CCDC12: variants seen among roughly 807,000 people sequenced by gnomAD.
The protein encoded by CCDC12 is coiled-coil domain-containing protein 12.
Under a neutral mutation model 25.7 loss-of-function variants are expected in CCDC12, and 28 were observed. That is an observed-to-expected ratio of 1.09 (90% CI 0.81 to 1.50). CCDC12 has a LOEUF of 1.50. Ranked by LOEUF, CCDC12 falls within the 40% of genes most tolerant of loss-of-function variation. The pLI is 0.00. For missense variants in CCDC12, 198 were observed against 210.0 expected (o/e 0.94, Z 0.35); for synonymous variants, 75 against 87.7 (o/e 0.86, Z 0.81).
intron 1 of CCDC12, among the ~76,000 whole-genome samples, chr3:46,959,349 A>G (rs1559562029): frequency 6.6e-6 from 1 of 152,222 alleles, no homozygotes; most frequent in Non-Finnish European, 1.5e-5. Flanking sequence ...CAGTTTCTTC[A>G]ACTGCTAGAT....
intron 1 of CCDC12, chr3:46,976,431 G>A: frequency 2.1e-6 from 3 of 1,416,752 alleles, no homozygotes; most frequent in Non-Finnish European, 2.8e-6. Context: ...GCGCATGCGC[G>A]ACGACCGCAC....
intron 3 of CCDC12, chr3:46,925,089 A>G: frequency 2.5e-6 from 1 of 394,450 alleles, no homozygotes; most frequent in Non-Finnish European, 5.0e-6. Flanking sequence ...TGACCCACCC[A>G]GGGCCCACAG....
At chr3:46,934,341 G>C (rs2107122363) in intron 2 of CCDC12, among the ~76,000 whole-genome samples, 1 of 152,362 alleles carries the variant, frequency 6.6e-6, no homozygotes, top group South Asian at 2.1e-4. Context: ...GCCAGCAGCT[G>C]CTGCACTCTG....
At chr3:46,948,658 G>A (rs1266010597) in intron 1 of CCDC12, among the ~76,000 whole-genome samples, 3 of 152,248 alleles carry the variant, frequency 2.0e-5, no homozygotes, top group Non-Finnish European at 1.5e-5. Flanking sequence ...CTCAGCGGTG[G>A]AAAGGAGGGC....
At chr3:46,956,845 C>T (rs976818069) in intron 1 of CCDC12, among the ~76,000 whole-genome samples, 1 of 151,458 alleles carries the variant, frequency 6.6e-6, no homozygotes, top group African/African-American at 2.4e-5. Context: ...AAATAAAAAT[C>T]ATTCATACAA....
intron 2 of CCDC12, among the ~76,000 whole-genome samples, chr3:46,931,979 C>T (rs987526625): frequency 6.6e-6 from 1 of 152,188 alleles, no homozygotes; most frequent in African/African-American, 2.4e-5. Context: ...TAGAGACCTA[C>T]CCCTTGTCCC....
intron 1 of CCDC12, among the ~76,000 whole-genome samples, chr3:46,951,800 T>A (rs28403967): frequency 0.035 from 797 of 23,080 alleles, 10 homozygotes; most frequent in South Asian, 0.061. Flanking sequence ...AAAAAAAAAA[T>A]ATATATATAT....
chr3:46,944,523 T>G (rs1285790115), intron 1 of CCDC12, among the ~76,000 whole-genome samples: 1 of 152,004 alleles, frequency 6.6e-6, no homozygotes, highest in African/African-American at 2.4e-5. Flanking sequence ...CCCTGAGACC[T>G]TTAAATCAGA....
intron 3 of CCDC12, among the ~76,000 whole-genome samples, chr3:46,924,366 A>G (rs6780601): frequency 0.69 from 105,149 of 152,062 alleles, 36,963 homozygotes; most frequent in African/African-American, 0.81. Context: ...CCTGCCTACT[A>G]TCCCCCAGTG....
intron 1 of CCDC12, among the ~76,000 whole-genome samples, chr3:46,966,907 C>T (rs2034658587): frequency 6.6e-6 from 1 of 152,102 alleles, no homozygotes; most frequent in Non-Finnish European, 1.5e-5. Context: ...CTCTCAGCCC[C>T]ACTGTCCTCA....
intron 1 of CCDC12, among the ~76,000 whole-genome samples, chr3:46,964,393 C>T (rs964211943): frequency 2.0e-5 from 3 of 152,196 alleles, no homozygotes; most frequent in Non-Finnish European, 1.5e-5. Flanking sequence ...TTCTGCCCGG[C>T]CGCCCCTTCT....
At position 46,976,684 on chromosome 3, in the gene CCDC12, G is replaced by T; in HGVS notation, c.49C>A (p.Arg17=). 6 of 1,608,384 alleles carry T rather than the reference G, an allele frequency of 3.7e-6. No homozygotes were observed. The highest frequency in any genetic ancestry group is 5.1e-6 in the Non-Finnish European group (6 of 1,177,548). Residue 17 remains arginine, a synonymous_variant, in exon 1 of 7, where the codon CGG becomes AGG. Transcript: ENST00000683445. ...GVGRLEEEAL[R]RKERLKALRE... ...AGGGCCTTCAGCCGTTCCTTTCGCCGCAACGCCTCTTCCTCTAGCCGGCCC... is the reference window on the plus strand; with the variant it reads ...AGGGCCTTCAGCCGTTCCTTTCGCCTCAACGCCTCTTCCTCTAGCCGGCCC...
chr3:46,954,458 T>A (rs2034225566), intron 1 of CCDC12, among the ~76,000 whole-genome samples: 2 of 152,224 alleles, frequency 1.3e-5, no homozygotes, highest in Non-Finnish European at 2.9e-5. Context: ...TGGCCCTGTT[T>A]ACATCAATTC....
chr3:46,964,458 C>T (rs1346489499), intron 1 of CCDC12, among the ~76,000 whole-genome samples: 1 of 152,256 alleles, frequency 6.6e-6, no homozygotes, highest in African/African-American at 2.4e-5. Flanking sequence ...GTGTACCCAA[C>T]AGCTCATTGA....
At chr3:46,955,274 C>T (rs1185593176) in intron 1 of CCDC12, among the ~76,000 whole-genome samples, 1 of 152,194 alleles carries the variant, frequency 6.6e-6, no homozygotes. Context: ...TGCCTAGTTG[C>T]TTCTTCATTT....
At chr3:46,938,988 C>A (rs996303336) in intron 2 of CCDC12, among the ~76,000 whole-genome samples, 1 of 152,192 alleles carries the variant, frequency 6.6e-6, no homozygotes, top group Non-Finnish European at 1.5e-5. Flanking sequence ...CTTGGCAGCA[C>A]CTGACACTGT....
intron 2 of CCDC12, among the ~76,000 whole-genome samples, chr3:46,932,799 T>G (rs957276203): frequency 6.6e-6 from 1 of 152,072 alleles, no homozygotes; most frequent in African/African-American, 2.4e-5. Context: ...TAATGCACCC[T>G]CCCCAGTAGG....
At chr3:46,936,435 A>G (rs1347237236) in intron 2 of CCDC12, among the ~76,000 whole-genome samples, 2 of 152,154 alleles carry the variant, frequency 1.3e-5, no homozygotes, top group Admixed American at 6.5e-5. Context: ...TTCTGCCCAG[A>G]GCCCCAGCAC....
intron 1 of CCDC12, among the ~76,000 whole-genome samples, chr3:46,966,385 C>T (rs2034641046): frequency 6.6e-6 from 1 of 152,008 alleles, no homozygotes; most frequent in Admixed American, 6.6e-5. Flanking sequence ...CGGTGACACA[C>T]ACCTATAATC....
Sources: gnomAD v4.1 joint callset for allele counts (sites outside exome capture counted in the v4.1 genomes callset) on GRCh38, gnomAD v4.1.1 for gene constraint, MANE v1.5 for transcripts, NCBI Gene and HGNC (gene_info 2026-07-23, HGNC 2026-07-21) for gene names.